The following CTNND2 variants were observed in gnomAD, a reference collection of about 807,000 sequenced individuals.
The protein encoded by CTNND2 is catenin delta-2.
Under a neutral mutation model 144.4 loss-of-function variants are expected in CTNND2, and 22 were observed. The observed-to-expected ratio is 0.15, with a 90% CI of 0.11 to 0.22. The LOEUF (loss-of-function observed/expected upper bound fraction) is 0.22. Ranked by LOEUF, CTNND2 falls within the 10% of genes least tolerant of loss-of-function variation. The pLI is 1.00. For synonymous variants in CTNND2, 751 were observed against 695.6 expected (o/e 1.08, Z -1.25); for missense variants, 1,353 against 1,618.8 (o/e 0.84, Z 2.82).
At chr5:11,365,263 T>C (rs920024258) in intron 7 of CTNND2, among the ~76,000 whole-genome samples, 11 of 152,210 alleles carry the variant, frequency 7.2e-5, no homozygotes, top group African/African-American at 2.7e-4. Flanking sequence ...GCACCTTAAA[T>C]TGTACAATAG....
At chr5:11,813,076 C>T (rs2126913322) in intron 1 of CTNND2, among the ~76,000 whole-genome samples, 1 of 152,280 alleles carries the variant, frequency 6.6e-6, no homozygotes, top group African/African-American at 2.4e-5. Context: ...TGATGGACCG[C>T]ATATATCAAA....
intron 1 of CTNND2, among the ~76,000 whole-genome samples, chr5:11,774,570 AAAC>A (rs1561785443): frequency 1.4e-4 from 21 of 150,446 alleles, no homozygotes; most frequent in Non-Finnish European, 2.5e-4. Flanking sequence ...TTAAAAAAAA[AAAC>A]AATGATGGCT....
At chr5:11,187,946 G>C (rs756927871) in intron 11 of CTNND2, among the ~76,000 whole-genome samples, 1 of 152,128 alleles carries the variant, frequency 6.6e-6, no homozygotes, top group Admixed American at 6.5e-5. Context: ...AAAAAGTCAA[G>C]AAACAACAGA....
In CTNND2 at chr5:11,903,096, C is replaced by T. The variant is rs1738042559; in HGVS notation, c.37+721G>A. 1 of 701,888 alleles carries T rather than the reference C, an allele frequency of 1.4e-6. No individual in the cohort carries two copies. The highest frequency in any genetic ancestry group is 1.8e-6 in the Non-Finnish European group (1 of 571,064). The allele number at this position is 701,888 out of a possible 1,614,324, so 43.5% of individuals were successfully genotyped here. A position where few individuals can be genotyped will look rare whatever the true frequency, so the allele number is the denominator to read the frequency against. On this transcript the variant is annotated intron_variant, in intron 1 of 21. Transcript: ENST00000304623. This position sits in a 1 kb window ranked among gnomAD's most constrained non-coding sequence, Gnocchi z 5.4. ...CGGGAAAAAAAGAAAAAAGCAGCTTCGCTTTCAGCCATTAATTACGGATCA... is the reference window on the plus strand; with the variant it reads ...CGGGAAAAAAAGAAAAAAGCAGCTTTGCTTTCAGCCATTAATTACGGATCA...
At chr5:11,767,941 G>A (rs188409350) in intron 1 of CTNND2, among the ~76,000 whole-genome samples, 8 of 151,954 alleles carry the variant, frequency 5.3e-5, no homozygotes, top group African/African-American at 1.4e-4. Context: ...TGTCTGCTAA[G>A]AGAATATTCC....
intron 2 of CTNND2, among the ~76,000 whole-genome samples, chr5:11,640,507 A>G (rs114591539): frequency 9.6e-4 from 146 of 152,350 alleles, no homozygotes; most frequent in African/African-American, 3.4e-3. Context: ...ACTATCTAGA[A>G]AAAACCAACA....
intron 2 of CTNND2, among the ~76,000 whole-genome samples, chr5:11,597,475 A>T (rs988525825): frequency 6.6e-6 from 1 of 152,188 alleles, no homozygotes; most frequent in African/African-American, 2.4e-5. Context: ...ATTTAGCTCT[A>T]CAGATTTATG....
chr5:11,818,004 TCAG>T (rs1793097952), intron 1 of CTNND2, among the ~76,000 whole-genome samples: 50 of 93,238 alleles, frequency 5.4e-4, no homozygotes, highest in African/African-American at 1.2e-3. Flanking sequence ...TTTTTTTTTT[TCAG>T]TTCTCCTCCA....
At chr5:11,350,526 A>T (rs946671146) in intron 8 of CTNND2, among the ~76,000 whole-genome samples, 1 of 152,194 alleles carries the variant, frequency 6.6e-6, no homozygotes, top group African/African-American at 2.4e-5. Flanking sequence ...GTGTAGTTTC[A>T]GCCTTGTCAA....
chr5:11,796,004 T>C (rs1791379899), intron 1 of CTNND2, among the ~76,000 whole-genome samples: 1 of 152,226 alleles, frequency 6.6e-6, no homozygotes, highest in African/African-American at 2.4e-5. Flanking sequence ...CCTGTATTCC[T>C]TGGCTCCTGG....
intron 11 of CTNND2, among the ~76,000 whole-genome samples, chr5:11,196,230 C>T (rs570816603): frequency 1.3e-5 from 2 of 152,322 alleles, no homozygotes; most frequent in South Asian, 4.1e-4. Context: ...AATCTAAAAT[C>T]TGGTTTATAA....
chr5:11,877,158 A>C (rs1735628681), intron 1 of CTNND2, among the ~76,000 whole-genome samples: 1 of 152,174 alleles, frequency 6.6e-6, no homozygotes, highest in African/African-American at 2.4e-5. Flanking sequence ...TGGTTCACTA[A>C]GAGATACTAA....
intron 13 of CTNND2, among the ~76,000 whole-genome samples, chr5:11,111,819 CA>C (rs1341624232): frequency 1.3e-5 from 2 of 151,910 alleles, no homozygotes; most frequent in Non-Finnish European, 1.5e-5. Flanking sequence ...GTGTGGTACG[CA>C]GAATAATGGC....
chr5:11,689,189 G>A (rs1784786388), intron 2 of CTNND2, among the ~76,000 whole-genome samples: 1 of 152,180 alleles, frequency 6.6e-6, no homozygotes, highest in Non-Finnish European at 1.5e-5. Context: ...TTAAGACTCA[G>A]CATCTACTAC....
At chr5:11,246,316 C>G (rs1742991680) in intron 9 of CTNND2, among the ~76,000 whole-genome samples, 1 of 152,044 alleles carries the variant, frequency 6.6e-6, no homozygotes, top group African/African-American at 2.4e-5. Context: ...AGGATCTTTG[C>G]AGATGTAATT....
Position 11,236,679 on chromosome 5 carries a change from A to G in CTNND2, c.1761+12T>C, listed in dbSNP as rs761910424. On this transcript the variant is annotated intron_variant, in intron 10 of 21. Transcript: ENST00000304623. The stretch of plus-strand genomic sequence containing the variant: ...CTGACACCAATCATTTCAGAATCCA[A>G]GGAGCACTGACCTCGGCTTTAATTT... The G allele has an allele frequency of 1.5e-5, 24 of 1,613,790 alleles. No homozygotes were observed. Among genetic ancestry groups the G allele is most frequent in the Non-Finnish European group, 2.0e-5 (24 of 1,179,888 alleles).
intron 9 of CTNND2, among the ~76,000 whole-genome samples, chr5:11,259,921 T>C (rs1402235420): frequency 6.6e-6 from 1 of 152,204 alleles, no homozygotes; most frequent in Non-Finnish European, 1.5e-5. Context: ...TTCACTAATA[T>C]TTTTTAAAGG....
chr5:11,325,220 T>A (rs1561220634), intron 9 of CTNND2, among the ~76,000 whole-genome samples: 1 of 152,108 alleles, frequency 6.6e-6, no homozygotes, highest in Non-Finnish European at 1.5e-5. Flanking sequence ...TCCATGGTTT[T>A]TCCCTTTAAA....
At chr5:11,341,244 G>GA (rs1468342460) in intron 9 of CTNND2, among the ~76,000 whole-genome samples, 1 of 152,152 alleles carries the variant, frequency 6.6e-6, no homozygotes, top group Non-Finnish European at 1.5e-5. Context: ...TCAAAGGTCA[G>GA]AAACAAGATC....
Sources: gnomAD v4.1 joint callset for allele counts (sites outside exome capture counted in the v4.1 genomes callset) on GRCh38, gnomAD v4.1.1 for gene constraint, Gnocchi (gnomAD v3.1) non-coding constraint, MANE v1.5 for transcripts, NCBI Gene and HGNC (gene_info 2026-07-23, HGNC 2026-07-21) for gene names.